The following PPP4R4 variants were observed in gnomAD, a reference collection of about 807,000 sequenced individuals.
The protein encoded by PPP4R4 is protein phosphatase 4 regulatory subunit 4.
PPP4R4 carries 70 observed loss-of-function variants against 121.8 expected under a neutral mutation model. The observed-to-expected ratio is 0.57, with a 90% CI of 0.47 to 0.70. The LOEUF is 0.70. Among genes scored for constraint, PPP4R4 ranks in the 30% least tolerant of loss-of-function variants. The pLI, the probability that PPP4R4 is intolerant of heterozygous loss-of-function variation, is 0.00. For synonymous variants in PPP4R4, 348 were observed against 355.7 expected (o/e 0.98, Z 0.24); for missense variants, 875 against 1,033.6 (o/e 0.85, Z 2.10).
chr14:94,234,178 TCTTG>T (rs1892203003), intron 6 of PPP4R4, among the ~76,000 whole-genome samples: 1 of 152,208 alleles, frequency 6.6e-6, no homozygotes, highest in African/African-American at 2.4e-5. Context: ...ATGTGCTACT[TCTTG>T]CCTGCTTATT....
At chr14:94,177,178 GC>G (rs576754004) in intron 2 of PPP4R4, among the ~76,000 whole-genome samples, 20 of 152,236 alleles carry the variant, frequency 1.3e-4, no homozygotes, top group Admixed American at 1.0e-3. Context: ...CAGAATATCA[GC>G]ATATTTACCA....
At position 94,174,580 on chromosome 14, in the gene PPP4R4, A is replaced by C; in HGVS notation, c.115A>C (p.Lys39Gln). The change falls in exon 1 of 25, where the codon AAG becomes CAG. Residue 39 changes from lysine to glutamine, a missense_variant and splice_region_variant. By Grantham distance (53) the Lys-to-Gln change is moderately conservative. Transcript: ENST00000304338. Reference sequence around the variant, plus strand: ...CGAGAGGCCGGTCCGCCGGAGCCTCAAGGTGCGCCCCGGGGAGAGGACCTG... The same window carrying C: ...CGAGAGGCCGGTCCGCCGGAGCCTCCAGGTGCGCCCCGGGGAGAGGACCTG... ...IIERPVRRSL[K>Q]TPEEIERLTV... 6.2e-7 allele frequency: 1 copy of C among 1,611,114 alleles called. No individual in the cohort carries two copies.
chr14:94,267,452 A>C (rs1245037928), intron 23 of PPP4R4, among the ~76,000 whole-genome samples: 1 of 152,214 alleles, frequency 6.6e-6, no homozygotes, highest in African/African-American at 2.4e-5. Flanking sequence ...CTGAAGGGCC[A>C]GAAGGTAAAC....
At chr14:94,239,206 T>A (rs544752729) in intron 8 of PPP4R4, among the ~76,000 whole-genome samples, 263 of 151,994 alleles carry the variant, frequency 1.7e-3, no homozygotes, top group Admixed American at 2.2e-3. Context: ...CTTTTTTTTT[T>A]TTATTATTAT....
At chr14:94,218,376 C>A (rs1427204355) in intron 3 of PPP4R4, among the ~76,000 whole-genome samples, 4 of 145,678 alleles carry the variant, frequency 2.7e-5, no homozygotes, top group East Asian at 2.0e-4. Context: ...CTAGACACCG[C>A]ACGCGCGTGC....
intron 3 of PPP4R4, among the ~76,000 whole-genome samples, chr14:94,213,241 A>G (rs1890835794): frequency 6.6e-6 from 1 of 152,206 alleles, no homozygotes; most frequent in African/African-American, 2.4e-5. Context: ...TCATTAGCTG[A>G]TCATGACTGT....
intron 14 of PPP4R4, among the ~76,000 whole-genome samples, chr14:94,248,572 G>C (rs950942930): frequency 1.3e-5 from 2 of 152,208 alleles, no homozygotes; most frequent in Non-Finnish European, 2.9e-5. Flanking sequence ...AATTACTCTT[G>C]AATAGCCAGC....
intron 2 of PPP4R4, among the ~76,000 whole-genome samples, chr14:94,199,634 G>A (rs1202952853): frequency 6.6e-6 from 1 of 152,128 alleles, no homozygotes; most frequent in Non-Finnish European, 1.5e-5. Context: ...CTCAGCAGAT[G>A]GGGGAGCCAG....
intron 2 of PPP4R4, 134 bp downstream of exon 2, chr14:94,176,261 G>T: frequency 1.5e-6 from 1 of 658,378 alleles, no homozygotes; most frequent in Non-Finnish European, 2.7e-6. Flanking sequence ...TGTGTGCATA[G>T]TACTTAACTA....
chr14:94,238,572 T>TTATG (rs1249774810), intron 8 of PPP4R4, among the ~76,000 whole-genome samples: 1 of 152,202 alleles, frequency 6.6e-6, no homozygotes, highest in Non-Finnish European at 1.5e-5. Context: ...TTCCTTAGTG[T>TTATG]TATGTAAATC....
chr14:94,275,027 A>G (rs1894557243), intron 23 of PPP4R4, among the ~76,000 whole-genome samples: 1 of 152,200 alleles, frequency 6.6e-6, no homozygotes, highest in Non-Finnish European at 1.5e-5. Flanking sequence ...GAAGCCAGAC[A>G]AAAAAGAGTA....
At chr14:94,219,420 C>T (rs1891263823) in intron 3 of PPP4R4, among the ~76,000 whole-genome samples, 1 of 152,114 alleles carries the variant, frequency 6.6e-6, no homozygotes, top group East Asian at 1.9e-4. Flanking sequence ...AATTGATTTA[C>T]ATGAATAAAT....
intron 14 of PPP4R4, among the ~76,000 whole-genome samples, chr14:94,247,897 T>G (rs1892979394): frequency 6.6e-6 from 1 of 152,164 alleles, no homozygotes; most frequent in African/African-American, 2.4e-5. Context: ...AAACTAGGCA[T>G]TGAAGGAACA....
Position 94,176,127 on chromosome 14 carries a change from G to A in PPP4R4, c.191G>A (p.Ser64Asn). 1 of 1,604,074 alleles carries A rather than the reference G, an allele frequency of 6.2e-7. No homozygotes were observed. The highest frequency in any genetic ancestry group is 8.5e-7 in the Non-Finnish European group (1 of 1,170,814). Reference sequence around the variant, plus strand: ...ATTGAAAGGGCTGTTTATCTGCTCAGGTATTTCCTAGTCTTTCTGTGAAAT... The same window carrying A: ...ATTGAAAGGGCTGTTTATCTGCTCAAGTATTTCCTAGTCTTTCTGTGAAAT... Reference protein sequence around the residue: ...SDIERAVYLLSAGQDVQGTSV... With the variant: ...SDIERAVYLLNAGQDVQGTSV... Residue 64 changes from serine to asparagine, a missense_variant and splice_region_variant, in exon 2 of 25, where the codon AGT becomes AAT. Coordinates refer to ENST00000304338, the MANE Select transcript of PPP4R4 (RefSeq NM_058237.2).
At chr14:94,199,659 G>T (rs1475923352) in intron 2 of PPP4R4, among the ~76,000 whole-genome samples, 1 of 152,168 alleles carries the variant, frequency 6.6e-6, no homozygotes, top group Non-Finnish European at 1.5e-5. Context: ...GAGACAGAGT[G>T]GAAAGGTAGT....
At chr14:94,174,718 C>T (rs1888568464) in intron 1 of PPP4R4, 136 bp downstream of exon 1, 4 of 1,417,016 alleles carry the variant, frequency 2.8e-6, no homozygotes, top group South Asian at 1.4e-5. Flanking sequence ...GCCGGCCCCT[C>T]CTCCTCCACC....
Position 94,267,012 on chromosome 14 carries a change from C to T in PPP4R4, c.2432C>T (p.Ser811Phe), listed in dbSNP as rs767496264. ...TTSVSGLGKT[S>F]VLSLADDSFR... ...TCTGTCTCAGGGTTAGGAAAGACTT[C>T]TGTGCTTTCACTAGCTGGTAAGTAG... The change falls in exon 23 of 25, where the codon TCT becomes TTT. Residue 811 changes from serine (S) to phenylalanine (F), a missense_variant. Coordinates refer to ENST00000304338, the MANE Select transcript of PPP4R4 (RefSeq NM_058237.2). 1 of 1,595,772 alleles carries T rather than the reference C, an allele frequency of 6.3e-7. No homozygotes were observed. Among genetic ancestry groups the T allele is most frequent in the Non-Finnish European group, 8.6e-7 (1 of 1,165,950 alleles).
chr14:94,183,362 A>C (rs1889093121), intron 2 of PPP4R4, among the ~76,000 whole-genome samples: 1 of 152,184 alleles, frequency 6.6e-6, no homozygotes, highest in Non-Finnish European at 1.5e-5. Context: ...TTTAGGACAG[A>C]GGGATCACTG....
At chr14:94,223,908 C>T (rs1235108880) in intron 3 of PPP4R4, among the ~76,000 whole-genome samples, 5 of 152,174 alleles carry the variant, frequency 3.3e-5, no homozygotes, top group African/African-American at 1.2e-4. Context: ...CACATCCACA[C>T]AGATCAACTG....
Sources: gnomAD v4.1 joint callset for allele counts (sites outside exome capture counted in the v4.1 genomes callset) on GRCh38, gnomAD v4.1.1 for gene constraint, MANE v1.5 for transcripts, NCBI Gene and HGNC (gene_info 2026-07-23, HGNC 2026-07-21) for gene names.